Variants in SLCO1B3 observed in about 807,000 individuals in gnomAD.
SLCO1B3 encodes solute carrier organic anion transporter family member 1B3.
SLCO1B3 carries 72 observed loss-of-function variants against 71.8 expected under a neutral mutation model. That is an observed-to-expected ratio of 1.00 (90% CI 0.83 to 1.22). SLCO1B3 has a LOEUF of 1.22. Ranked by LOEUF, SLCO1B3 falls within the 50% of genes most tolerant of loss-of-function variation. The pLI is 0.00. For synonymous variants in SLCO1B3, 298 were observed against 278.4 expected (o/e 1.07, Z -0.70); for missense variants, 911 against 819.7 (o/e 1.11, Z -1.36).
intron 3 of SLCO1B3, among the ~76,000 whole-genome samples, chr12:20,851,185 CAGA>C (rs1315042584): frequency 6.6e-6 from 1 of 152,120 alleles, no homozygotes; most frequent in Non-Finnish European, 1.5e-5. Context: ...AATATATACA[CAGA>C]AGAAGGATTG....
intron 3 of SLCO1B3, among the ~76,000 whole-genome samples, chr12:20,853,757 T>G (rs1463139722): frequency 1.3e-5 from 2 of 151,896 alleles, no homozygotes; most frequent in Non-Finnish European, 2.9e-5. Context: ...ATTTTCTTCG[T>G]CTCTTAATTT....
chr12:20,825,162 G>A lies in SLCO1B3; in HGVS notation c.84+9340G>A, dbSNP rs1864394392. Among the ~76,000 whole-genome samples the A allele has an allele frequency of 2.0e-5, 3 of 151,980 alleles. No homozygotes were observed. The South Asian group carries it at 6.2e-4, about 32-fold the overall frequency. ...TTTTAATGTTTTTTTAAATTAAAAAGTGGGTTAATGCTATAAGAACCTTGT... is the reference window on the plus strand; with the variant it reads ...TTTTAATGTTTTTTTAAATTAAAAAATGGGTTAATGCTATAAGAACCTTGT... On this transcript the variant is annotated intron_variant, in intron 3 of 15. Transcript: ENST00000381545.
chr12:20,835,374 C>T (rs1426469119), intron 3 of SLCO1B3, among the ~76,000 whole-genome samples: 1 of 152,176 alleles, frequency 6.6e-6, no homozygotes, highest in Non-Finnish European at 1.5e-5. Flanking sequence ...AATATCCCCC[C>T]AGAAAATGGG....
At chr12:20,865,776 C>A (rs1252284903) in intron 8 of SLCO1B3, among the ~76,000 whole-genome samples, 1 of 151,932 alleles carries the variant, frequency 6.6e-6, no homozygotes, top group South Asian at 2.1e-4. Context: ...ATGCACAAAT[C>A]TATTATTAAA....
chr12:20,889,294 G>A (rs556503507), intron 13 of SLCO1B3, among the ~76,000 whole-genome samples: 1 of 151,898 alleles, frequency 6.6e-6, no homozygotes, highest in East Asian at 1.9e-4. Flanking sequence ...TTCCTTTTTG[G>A]TTTGGTAGAA....
intron 13 of SLCO1B3, among the ~76,000 whole-genome samples, chr12:20,884,263 A>T (rs1565601961): frequency 6.6e-6 from 1 of 152,230 alleles, no homozygotes; most frequent in Non-Finnish European, 1.5e-5. Flanking sequence ...GTATAAAAAT[A>T]AACACATAAT....
intron 3 of SLCO1B3, among the ~76,000 whole-genome samples, chr12:20,848,190 C>A (rs768299552): frequency 5.3e-5 from 8 of 152,072 alleles, no homozygotes; most frequent in Non-Finnish European, 1.2e-4. Flanking sequence ...TGAACAGATA[C>A]CTTACTGATG....
Position 20,875,346 on chromosome 12 carries a change from C to A in SLCO1B3, c.839C>A (p.Pro280Gln), listed in dbSNP as rs1281808593. 4 of 1,611,646 alleles carry A rather than the reference C, an allele frequency of 2.5e-6. No homozygotes were observed. The South Asian group carries it at 3.3e-5, about 13-fold the overall frequency. The change falls in exon 9 of 16, where the codon CCG becomes CAG. Residue 280 changes from proline to glutamine, a missense_variant. By Grantham distance (76) the Pro-to-Gln change is moderately conservative (BLOSUM62 -1). Coordinates refer to ENST00000381545, the MANE Select transcript of SLCO1B3 (RefSeq NM_019844.4). The stretch of plus-strand genomic sequence containing the variant: ...TCTTCCATACCATTTTTTTTCTTGC[C>A]GAAAAATCCAAATAAACCACAAAAA... ...IISSIPFFFL[P>Q]KNPNKPQKER... is the part of the protein sequence containing the mutation.
rs536570869 is a variant in SLCO1B3 at position 20,912,278 on chromosome 12, A to G, written c.1866-3726A>G. Among the ~76,000 whole-genome samples, 408 of 150,156 alleles carry G rather than the reference A, an allele frequency of 2.7e-3. 2 individuals carry two copies. Among genetic ancestry groups the G allele is most frequent in the Non-Finnish European group, 3.9e-3 (262 of 67,520 alleles). ...ATATTACATGATTTTCATTCTTTCA[A>G]ATTTCTTCTATTTTATTTTTATTTT... On this transcript the variant is annotated intron_variant, in intron 15 of 15. Transcript: ENST00000381545.
At chr12:20,906,201 A>G (rs1379632079) in intron 15 of SLCO1B3, among the ~76,000 whole-genome samples, 1 of 152,200 alleles carries the variant, frequency 6.6e-6, no homozygotes, top group African/African-American at 2.4e-5. Context: ...ACAAAAAGAA[A>G]AAAATGAAAC....
intron 6 of SLCO1B3, among the ~76,000 whole-genome samples, chr12:20,861,706 A>AT (rs1865268766): frequency 6.7e-6 from 1 of 149,964 alleles, no homozygotes. Flanking sequence ...TATAAGTATA[A>AT]TTTTAACCCC....
chr12:20,854,266 G>C (rs939215234), intron 3 of SLCO1B3, among the ~76,000 whole-genome samples: 1 of 151,654 alleles, frequency 6.6e-6, no homozygotes, highest in African/African-American at 2.4e-5. Flanking sequence ...AGTCTCCCTG[G>C]TTGTTCTGTA....
At chr12:20,871,740 T>C (rs1226735916) in intron 8 of SLCO1B3, among the ~76,000 whole-genome samples, 3 of 152,152 alleles carry the variant, frequency 2.0e-5, no homozygotes, top group Non-Finnish European at 1.5e-5. Flanking sequence ...TTGCTCTTTC[T>C]GTGCTGAGCT....
chr12:20,878,035 C>T, intron 10 of SLCO1B3, 99 bp downstream of exon 10: 2 of 788,682 alleles, frequency 2.5e-6, no homozygotes, highest in Admixed American at 3.4e-5. Flanking sequence ...TTATATTTTA[C>T]TAAATGTAAT....
Position 20,905,595 on chromosome 12 carries a change from A to G in SLCO1B3, c.1865+4128A>G, listed in dbSNP as rs150727165. 7.6e-3 allele frequency among the ~76,000 whole-genome samples: 1,159 copies of G among 152,236 alleles called. 18 individuals are homozygous for G. Among genetic ancestry groups the G allele is most frequent in the African/African-American group, 0.027 (1,117 of 41,538 alleles). The stretch of plus-strand genomic sequence containing the variant: ...TCATCTCTCTCAAGTTGAAAGTTCC[A>G]CAGATCTCTAGAGCAGGGACAAAAT... On this transcript the variant is annotated intron_variant, in intron 15 of 15. Coordinates refer to ENST00000381545, the MANE Select transcript of SLCO1B3 (RefSeq NM_019844.4).
intron 13 of SLCO1B3, among the ~76,000 whole-genome samples, chr12:20,896,037 A>G (rs1265356918): frequency 2.6e-5 from 4 of 152,210 alleles, no homozygotes; most frequent in Non-Finnish European, 5.9e-5. Context: ...CAGCTGGAGC[A>G]GCTGGGATGC....
chr12:20,834,886 G>A (rs1442577549), intron 3 of SLCO1B3, among the ~76,000 whole-genome samples: 1 of 152,122 alleles, frequency 6.6e-6, no homozygotes, highest in East Asian at 1.9e-4. Flanking sequence ...GACAGTTTGT[G>A]GGAGCTCTCG....
intron 4 of SLCO1B3, among the ~76,000 whole-genome samples, chr12:20,856,937 C>T (rs1246323905): frequency 6.7e-6 from 1 of 150,348 alleles, no homozygotes; most frequent in African/African-American, 2.4e-5. Flanking sequence ...AACCAATAAC[C>T]AGTGGACACG....
At chr12:20,825,589 A>G (rs554621687) in intron 3 of SLCO1B3, among the ~76,000 whole-genome samples, 1 of 152,200 alleles carries the variant, frequency 6.6e-6, no homozygotes, top group African/African-American at 2.4e-5. Flanking sequence ...TGAGGTCTGG[A>G]CTTCAAGACC....
Sources: allele counts gnomAD v4.1 joint callset (sites outside exome capture counted in the v4.1 genomes callset), GRCh38; gene constraint gnomAD v4.1.1; transcripts MANE v1.5; gene names NCBI Gene and HGNC (gene_info 2026-07-23, HGNC 2026-07-21).